ARHGAP24: variants seen among roughly 807,000 people sequenced by gnomAD.
ARHGAP24 encodes the protein rho GTPase-activating protein 24.
ARHGAP24 carries 50 observed loss-of-function variants against 76.4 expected under a neutral mutation model. That is an observed-to-expected ratio of 0.65 (90% CI 0.52 to 0.83). ARHGAP24 has a LOEUF of 0.83. ARHGAP24 is among the 40% of genes least tolerant of loss of function. The pLI, the probability that ARHGAP24 is intolerant of heterozygous loss-of-function variation, is 0.00. For synonymous variants in ARHGAP24, 345 were observed against 323.3 expected (o/e 1.07, Z -0.72); for missense variants, 930 against 914.2 (o/e 1.02, Z -0.22).
intron 3 of ARHGAP24, among the ~76,000 whole-genome samples, chr4:85,813,818 T>TTTTATATATA (rs1553932187): frequency 7.3e-6 from 1 of 137,160 alleles, no homozygotes; most frequent in Non-Finnish European, 1.5e-5. Flanking sequence ...TATATTTATT[T>TTTTATATATA]TATATATATA....
intron 3 of ARHGAP24, among the ~76,000 whole-genome samples, chr4:85,819,282 T>G (rs1729371002): frequency 1.3e-5 from 2 of 152,252 alleles, no homozygotes; most frequent in African/African-American, 4.8e-5. Flanking sequence ...GACTGTCATA[T>G]AATGACAACT....
intron 3 of ARHGAP24, among the ~76,000 whole-genome samples, chr4:85,744,589 A>C (rs550848326): frequency 6.6e-6 from 1 of 152,218 alleles, no homozygotes; most frequent in African/African-American, 2.4e-5. Context: ...AGATAAAGAG[A>C]GGTTGAGCTG....
In ARHGAP24 at chr4:85,754,721, T is replaced by C. The variant is rs73833235; in HGVS notation, c.268+32749T>C. Among the ~76,000 whole-genome samples the C allele has an allele frequency of 2.7e-3, 406 of 152,312 alleles. 1 individual carries two copies. Among genetic ancestry groups the C allele is most frequent in the African/African-American group, 9.1e-3 (379 of 41,556 alleles). ...AATTTATAAAGACCAGGAAGAGCAA[T>C]TGGTAAAAGGCTTGAACATCTGCCA... On this transcript the variant is annotated intron_variant, in intron 3 of 9. Coordinates refer to ENST00000395184, the MANE Select transcript of ARHGAP24 (RefSeq NM_001025616.3).
rs189435667 is a variant in ARHGAP24, at chr4:85,789,403, G to T, written c.268+67431G>T. Among the ~76,000 whole-genome samples the T allele has an allele frequency of 1.3e-3, 195 of 151,612 alleles. 1 individual carries two copies. The highest frequency in any genetic ancestry group is 4.6e-3 in the African/African-American group (191 of 41,144). On this transcript the variant is annotated intron_variant, in intron 3 of 9. Coordinates refer to ENST00000395184, the MANE Select transcript of ARHGAP24 (RefSeq NM_001025616.3). ...TTTTTTTTAAAGAGAGAATCAGTCCGCAGGTTGGCTGGAGTTCAGGGATAA... is the reference window on the plus strand; with the variant it reads ...TTTTTTTTAAAGAGAGAATCAGTCCTCAGGTTGGCTGGAGTTCAGGGATAA...
At chr4:85,482,105 A>C (rs1241034290) in intron 1 of ARHGAP24, among the ~76,000 whole-genome samples, 5 of 152,202 alleles carry the variant, frequency 3.3e-5, no homozygotes, top group Non-Finnish European at 7.3e-5. Flanking sequence ...CAGCAAGAAA[A>C]TATGATCCGG....
chr4:85,746,780 T>C (rs984500250), intron 3 of ARHGAP24, among the ~76,000 whole-genome samples: 2 of 152,032 alleles, frequency 1.3e-5, no homozygotes, highest in African/African-American at 4.8e-5. Flanking sequence ...GCCTCCCAAG[T>C]AGCTGGGATT....
chr4:85,643,960 A>G (rs1278902882), intron 2 of ARHGAP24, among the ~76,000 whole-genome samples: 2 of 152,188 alleles, frequency 1.3e-5, no homozygotes, highest in East Asian at 1.9e-4. Flanking sequence ...AGATTGGAAG[A>G]CAGTCTGAGT....
rs368030314 is a variant in ARHGAP24, at chr4:85,977,633, G to A, written c.870G>A (p.Thr290=). 4 of 1,613,716 alleles carry A rather than the reference G, an allele frequency of 2.5e-6. No individual in the cohort carries two copies. Among genetic ancestry groups the A allele is most frequent in the Non-Finnish European group, 3.4e-6 (4 of 1,179,826 alleles). Residue 290 remains threonine, a synonymous_variant, in exon 8 of 10, where the codon ACG becomes ACA. Coordinates refer to ENST00000395184, the MANE Select transcript of ARHGAP24 (RefSeq NM_001025616.3). ...VNKMSVQNLA[T]VFGPNILRPK... ...AAATGAGTGTGCAGAACTTGGCAACGGTCTTTGGTCCTAATATCCTGCGCC... is the reference window on the plus strand; with the variant it reads ...AAATGAGTGTGCAGAACTTGGCAACAGTCTTTGGTCCTAATATCCTGCGCC...
intron 2 of ARHGAP24, among the ~76,000 whole-genome samples, chr4:85,675,364 T>C (rs1000235960): frequency 1.3e-5 from 2 of 152,200 alleles, no homozygotes; most frequent in African/African-American, 4.8e-5. Context: ...TAGGAAAGTA[T>C]GCTTCCAGGG....
At chr4:85,853,501 C>T (rs1043595931) in intron 3 of ARHGAP24, among the ~76,000 whole-genome samples, 1 of 152,170 alleles carries the variant, frequency 6.6e-6, no homozygotes, top group Non-Finnish European at 1.5e-5. Context: ...CAACCAGTCC[C>T]AATGAGATGA....
At chr4:85,919,200 C>T (rs113405738) in intron 3 of ARHGAP24, among the ~76,000 whole-genome samples, 6 of 152,244 alleles carry the variant, frequency 3.9e-5, no homozygotes, top group African/African-American at 7.2e-5. Context: ...CATTAAGTCC[C>T]GTAAAGGGCT....
At chr4:85,511,611 C>T (rs796500267) in intron 1 of ARHGAP24, among the ~76,000 whole-genome samples, 10 of 151,996 alleles carry the variant, frequency 6.6e-5, no homozygotes, top group African/African-American at 9.6e-5. Context: ...TACAGGCATG[C>T]GCCACTATGC....
intron 3 of ARHGAP24, among the ~76,000 whole-genome samples, chr4:85,867,910 C>CATACGTATAT (rs371412055): frequency 2.1e-5 from 3 of 144,268 alleles, no homozygotes; most frequent in Admixed American, 1.4e-4. Flanking sequence ...TATATATATA[C>CATACGTATAT]ATATATGTAC....
intron 8 of ARHGAP24, among the ~76,000 whole-genome samples, chr4:85,985,523 C>T (rs66778815): frequency 0.21 from 31,740 of 151,976 alleles, 3,585 homozygotes; most frequent in South Asian, 0.4. Context: ...GGAAAAATAA[C>T]GGGTACTAAG....
chr4:85,789,456 A>G (rs1034443126), intron 3 of ARHGAP24, among the ~76,000 whole-genome samples: 2 of 152,114 alleles, frequency 1.3e-5, no homozygotes, highest in African/African-American at 2.4e-5. Flanking sequence ...AAATGGCAAG[A>G]AAGATTCAGG....
intron 1 of ARHGAP24, among the ~76,000 whole-genome samples, chr4:85,548,144 C>G (rs549590601): frequency 6.6e-6 from 1 of 152,226 alleles, no homozygotes; most frequent in South Asian, 2.1e-4. Flanking sequence ...GTTTTTGTGC[C>G]TTTTGATACC....
At chr4:85,887,601 AAAACATT>A (rs1733633945) in intron 3 of ARHGAP24, among the ~76,000 whole-genome samples, 1 of 152,198 alleles carries the variant, frequency 6.6e-6, no homozygotes, top group African/African-American at 2.4e-5. Context: ...TAAAACATGT[AAAACATT>A]AAGAACCTTT....
At chr4:85,865,952 A>T (rs2110183509) in intron 3 of ARHGAP24, among the ~76,000 whole-genome samples, 1 of 152,222 alleles carries the variant, frequency 6.6e-6, no homozygotes, top group Admixed American at 6.5e-5. Context: ...AGTTAAAAAG[A>T]GCAGAAGAGT....
At chr4:85,675,537 A>T in intron 2 of ARHGAP24, among the ~76,000 whole-genome samples, 1 of 152,162 alleles carries the variant, frequency 6.6e-6, no homozygotes, top group African/African-American at 2.4e-5. Context: ...GCGGGGTAAC[A>T]ATTTATGGAT....
Sources: gnomAD v4.1 joint callset for allele counts (sites outside exome capture counted in the v4.1 genomes callset) on GRCh38, gnomAD v4.1.1 for gene constraint, MANE v1.5 for transcripts, NCBI Gene and HGNC (gene_info 2026-07-23, HGNC 2026-07-21) for gene names.